The following IRAK3 variants were observed in gnomAD, a reference collection of about 807,000 sequenced individuals.
IRAK3 encodes the protein interleukin 1 receptor associated kinase 3, also known as interleukin-1 receptor-associated kinase 3.
IRAK3 carries 57 observed loss-of-function variants against 56.6 expected under a neutral mutation model. That is an observed-to-expected ratio of 1.01 (90% CI 0.81 to 1.26). The LOEUF is 1.26. Among genes scored for constraint, IRAK3 ranks in the 50% most tolerant of loss-of-function variants. The pLI is 0.00. For synonymous variants in IRAK3, 258 were observed against 255.7 expected (o/e 1.01, Z -0.09); for missense variants, 703 against 719.0 (o/e 0.98, Z 0.25).
In IRAK3 at chr12:66,253,829, A is replaced by G. The variant is rs1182393241; in HGVS notation, c.*5658A>G. ...TTCCTTGATCTATTAGATTTAAAAA[A>G]ATGAAGCATAAAGGAGTTGGCTCTT... On this transcript the variant is annotated 3_prime_UTR_variant, in exon 12 of 12. Transcript: ENST00000261233. 1 of 152,148 alleles carries G rather than the reference A, an allele frequency of 6.6e-6. No individual in the cohort carries two copies. Among genetic ancestry groups the G allele is most frequent in the Non-Finnish European group, 1.5e-5 (1 of 68,018 alleles). 9.4% of individuals were successfully genotyped at this position (152,148 alleles called of 1,614,324 possible).
At chr12:66,213,117 G>A (rs1355052797) in intron 5 of IRAK3, among the ~76,000 whole-genome samples, 1 of 152,042 alleles carries the variant, frequency 6.6e-6, no homozygotes, top group Non-Finnish European at 1.5e-5. Flanking sequence ...TGGCTGGGGA[G>A]GCCTCAGTAT....
intron 1 of IRAK3, among the ~76,000 whole-genome samples, chr12:66,201,629 T>A (rs1417128782): frequency 6.6e-6 from 1 of 152,212 alleles, no homozygotes; most frequent in Non-Finnish European, 1.5e-5. Context: ...AAAGGCAATA[T>A]AAATTTTTGC....
intron 6 of IRAK3, among the ~76,000 whole-genome samples, chr12:66,221,303 G>A (rs116290619): frequency 0.01 from 1,588 of 152,214 alleles, 38 homozygotes; most frequent in African/African-American, 0.036. Context: ...GTCATCTGTA[G>A]ACAGAGCCAC....
rs1461175928 is a variant in IRAK3, at chr12:66,254,427, C to A, written c.*6256C>A. Reference sequence around the variant, plus strand: ...CTACAGGATATATGTTGAATATGAGCTCATTTATAACATTGAATATTTTAA... The same window carrying A: ...CTACAGGATATATGTTGAATATGAGATCATTTATAACATTGAATATTTTAA... On this transcript the variant is annotated 3_prime_UTR_variant, in exon 12 of 12. Coordinates refer to ENST00000261233, the MANE Select transcript of IRAK3 (RefSeq NM_007199.3). 6.6e-6 allele frequency: 1 copy of A among 151,914 alleles called. No individual in the cohort carries two copies. The highest frequency in any genetic ancestry group is 1.5e-5 in the Non-Finnish European group (1 of 67,956). The allele number at this position is 151,914 out of a possible 1,614,324, so 9.4% of individuals were successfully genotyped here. A position where few individuals can be genotyped will look rare whatever the true frequency, so the allele number is the denominator to read the frequency against.
chr12:66,230,863 T>G (rs1243863308), intron 8 of IRAK3, among the ~76,000 whole-genome samples: 1 of 152,164 alleles, frequency 6.6e-6, no homozygotes, highest in Non-Finnish European at 1.5e-5. Context: ...TAGCTCAGTG[T>G]CCCCTAATGT....
Position 66,244,935 on chromosome 12 carries a change from A to G in IRAK3, c.1087-13A>G, listed in dbSNP as rs2053011801. 2.5e-6 allele frequency: 4 copies of G among 1,591,432 alleles called. No individual in the cohort carries two copies. The highest frequency in any genetic ancestry group is 3.4e-6 in the Non-Finnish European group (4 of 1,159,566). On this transcript the variant is annotated splice_polypyrimidine_tract_variant and intron_variant, in intron 9 of 11. Coordinates refer to ENST00000261233, the MANE Select transcript of IRAK3 (RefSeq NM_007199.3). ...TTAAGATATATAGCTGACTTTCTAT[A>G]TATTCCTTGTAGGTAATAATGGAAG... is the stretch of plus-strand genomic sequence containing the variant.
intron 1 of IRAK3, among the ~76,000 whole-genome samples, chr12:66,192,412 A>G (rs555137113): frequency 5.8e-4 from 89 of 152,336 alleles, no homozygotes; most frequent in African/African-American, 2.1e-3. Flanking sequence ...TGTTTACGTT[A>G]CAGACATGAT....
Position 66,250,407 on chromosome 12 carries a change from C to G in IRAK3, c.*2236C>G, listed in dbSNP as rs769927573. 15 of 151,994 alleles carry G rather than the reference C, an allele frequency of 9.9e-5. No homozygotes were observed. Among genetic ancestry groups the G allele is most frequent in the Non-Finnish European group, 2.1e-4 (14 of 68,010 alleles). 9.4% of individuals were successfully genotyped at this position (151,994 alleles called of 1,614,324 possible). A position where few individuals can be genotyped will look rare whatever the true frequency, so the allele number is the denominator to read the frequency against. ...AGGAATCAGGGTGAGATTAACAGAC[C>G]AAGGTCAGAAACATGGAGTTACAAT... On this transcript the variant is annotated 3_prime_UTR_variant, in exon 12 of 12. Coordinates refer to ENST00000261233, the MANE Select transcript of IRAK3 (RefSeq NM_007199.3).
rs1565815565 is a variant in IRAK3, at chr12:66,252,164, AC to A, written c.*3996del. 1.3e-5 allele frequency: 2 copies of A among 152,128 alleles called. No individual in the cohort carries two copies. The highest frequency in any genetic ancestry group is 2.9e-5 in the Non-Finnish European group (2 of 68,028). 9.4% of individuals were successfully genotyped at this position (152,128 alleles called of 1,614,324 possible). On this transcript the variant is annotated 3_prime_UTR_variant, in exon 12 of 12. Transcript: ENST00000261233. ...AGCTTTGCATGTTTTTTTCTGGTTA[AC>A]CCTTAGAGTCACCCTGAAGGTGTGG...
intron 6 of IRAK3, among the ~76,000 whole-genome samples, chr12:66,222,505 T>C (rs1257153145): frequency 2.0e-5 from 3 of 152,108 alleles, no homozygotes; most frequent in Non-Finnish European, 4.4e-5. Context: ...GTTTCTGTGG[T>C]ATCAGTTGTA....
rs1280102209 is a variant in IRAK3, at chr12:66,250,061, A to T, written c.*1890A>T. On this transcript the variant is annotated 3_prime_UTR_variant, in exon 12 of 12. Coordinates refer to ENST00000261233, the MANE Select transcript of IRAK3 (RefSeq NM_007199.3). ...AGGTGTTTCCTTATAAATTAAGTTG[A>T]ATTAAATTACCCCTATGAAGCCACA... 6.6e-6 allele frequency: 1 copy of T among 152,196 alleles called. No individual in the cohort carries two copies. Among genetic ancestry groups the T allele is most frequent in the Admixed American group, 6.5e-5 (1 of 15,282 alleles). 9.4% of individuals were successfully genotyped at this position (152,196 alleles called of 1,614,324 possible).
Position 66,247,912 on chromosome 12 carries a change from A to G in IRAK3, c.1532A>G (p.Gln511Arg), listed in dbSNP as rs755336882. Reference protein sequence around the residue: ...MTQKTPFECSQSEVMFLSLDK... With the variant: ...MTQKTPFECSRSEVMFLSLDK... ...CAGAAAACTCCTTTTGAATGCAGCC[A>G]GTCTGAGGTTATGTTTCTGAGCTTG... The change falls in exon 12 of 12, where the codon CAG (glutamine) becomes CGG (arginine). Residue 511 changes from glutamine to arginine, a missense_variant. Physicochemically the swap from Gln to Arg is conservative, Grantham distance 43. Coordinates refer to ENST00000261233, the MANE Select transcript of IRAK3 (RefSeq NM_007199.3). The G allele has an allele frequency of 2.0e-5, 33 of 1,614,124 alleles. No homozygotes were observed. Among genetic ancestry groups the G allele is most frequent in the Non-Finnish European group, 2.6e-5 (31 of 1,180,038 alleles).
intron 6 of IRAK3, among the ~76,000 whole-genome samples, chr12:66,219,517 G>A (rs974149674): frequency 6.6e-6 from 1 of 152,194 alleles, no homozygotes; most frequent in Non-Finnish European, 1.5e-5. Context: ...TCTTTCTTTT[G>A]TAAATTGCCC....
chr12:66,192,427 T>C (rs950627648), intron 1 of IRAK3, among the ~76,000 whole-genome samples: 2 of 152,162 alleles, frequency 1.3e-5, no homozygotes, highest in African/African-American at 4.8e-5. Flanking sequence ...CATGATAACG[T>C]AGTACATACA....
chr12:66,254,405 C>T lies in IRAK3; in HGVS notation c.*6234C>T, dbSNP rs575051405. 14 of 152,104 alleles carry T rather than the reference C, an allele frequency of 9.2e-5. No individual in the cohort carries two copies. The South Asian group carries it at 2.7e-3, about 29-fold the overall frequency. The allele number at this position is 152,104 out of a possible 1,614,324, so 9.4% of individuals were successfully genotyped here. On this transcript the variant is annotated 3_prime_UTR_variant, in exon 12 of 12. Transcript: ENST00000261233. ...TATTATTGAATCAAAAAGTAGACTA[C>T]AGGATATATGTTGAATATGAGCTCA... is the stretch of plus-strand genomic sequence containing the variant.
chr12:66,231,726 G>A (rs758587989), intron 8 of IRAK3, among the ~76,000 whole-genome samples: 25 of 152,346 alleles, frequency 1.6e-4, no homozygotes, highest in Middle Eastern at 3.4e-3. Flanking sequence ...CACGTATATA[G>A]TAAAAGCAAG....
At chr12:66,220,644 C>T in intron 6 of IRAK3, among the ~76,000 whole-genome samples, 1 of 149,358 alleles carries the variant, frequency 6.7e-6, no homozygotes, top group Admixed American at 6.6e-5. Context: ...CCTCAGCCTC[C>T]CAAGTAGCTG....
chr12:66,224,672 T>A (rs1316059401), intron 6 of IRAK3, among the ~76,000 whole-genome samples: 1 of 152,212 alleles, frequency 6.6e-6, no homozygotes, highest in Non-Finnish European at 1.5e-5. Flanking sequence ...TATTTCATTT[T>A]CATAAGAACC....
In IRAK3 at chr12:66,234,054, C is replaced by CT. The variant is rs2052875486; in HGVS notation, c.887+5687dup. 3.1e-6 allele frequency: 5 copies of CT among 1,612,808 alleles called. No individual in the cohort carries two copies. The South Asian group carries it at 5.5e-5, about 18-fold the overall frequency. On this transcript the variant is annotated intron_variant, in intron 8 of 11. Coordinates refer to ENST00000261233, the MANE Select transcript of IRAK3 (RefSeq NM_007199.3). Reference sequence around the variant, plus strand: ...CACACCCTTCTTCATGTAAGAACACCTTTCTGTACATCTCACAGTTACTTA... The same window carrying CT: ...CACACCCTTCTTCATGTAAGAACACCTTTTCTGTACATCTCACAGTTACTTA...
Sources: gnomAD v4.1 joint callset for allele counts (sites outside exome capture counted in the v4.1 genomes callset) on GRCh38, gnomAD v4.1.1 for gene constraint, MANE v1.5 for transcripts, NCBI Gene and HGNC (gene_info 2026-07-23, HGNC 2026-07-21) for gene names.